ANKRD28: variants seen among roughly 807,000 people sequenced by gnomAD.
The protein encoded by ANKRD28 is serine/threonine-protein phosphatase 6 regulatory ankyrin repeat subunit A.
A neutral mutation model predicts 126.5 loss-of-function variants in ANKRD28; 44 were observed. The observed-to-expected ratio is 0.35, with a 90% CI of 0.27 to 0.45. The LOEUF is 0.45. Among genes scored for constraint, ANKRD28 ranks in the 20% least tolerant of loss-of-function variants. The pLI is 1.00. For synonymous variants in ANKRD28, 442 were observed against 468.5 expected, an observed-to-expected ratio of 0.94 and a Z score of 0.73; for missense variants, 1,110 against 1,316.6, an observed-to-expected ratio of 0.84 and a Z score of 2.43.
intron 4 of ANKRD28, among the ~76,000 whole-genome samples, chr3:15,746,046 G>A (rs1216645660): frequency 6.6e-6 from 1 of 152,146 alleles, no homozygotes; most frequent in Non-Finnish European, 1.5e-5. Flanking sequence ...ACTGATTTGT[G>A]TACATTAATT....
intron 1 of ANKRD28, among the ~76,000 whole-genome samples, chr3:15,832,729 T>C (rs957587603): frequency 9.9e-5 from 15 of 152,192 alleles, no homozygotes; most frequent in African/African-American, 3.6e-4. Flanking sequence ...TCCAAGTTAT[T>C]TCACGGAGGA....
chr3:15,853,764 C>T lies in ANKRD28; in HGVS notation c.27+5613G>A, dbSNP rs562257882. Among the ~76,000 whole-genome samples the T allele has an allele frequency of 5.3e-5, 8 of 152,190 alleles. No homozygotes were observed. In the East Asian group the frequency reaches 7.7e-4, roughly 15 times the overall value. ...GATTACAGGCATGAGCCACCGCGCC[C>T]GGCCCTAAAATCAATGTTTAATTGT... On this transcript the variant is annotated intron_variant, in intron 1 of 27. Coordinates refer to the ANKRD28 transcript ENST00000399451. This position sits in a 1 kb window ranked among gnomAD's most constrained non-coding sequence, Gnocchi z 4.2.
chr3:15,763,514 G>A (rs2058594259), intron 3 of ANKRD28, among the ~76,000 whole-genome samples: 2 of 152,184 alleles, frequency 1.3e-5, no homozygotes, highest in Admixed American at 1.3e-4. Context: ...AATTTAAAAA[G>A]GATGTCAGGT....
intron 2 of ANKRD28, among the ~76,000 whole-genome samples, chr3:15,772,845 C>G (rs572754514): frequency 1.3e-5 from 2 of 152,224 alleles, no homozygotes; most frequent in East Asian, 3.9e-4. Flanking sequence ...TACAACCACG[C>G]CCAGCTAGCT....
At chr3:15,851,821 A>G (rs1389704961) in intron 1 of ANKRD28, among the ~76,000 whole-genome samples, 1 of 152,354 alleles carries the variant, frequency 6.6e-6, no homozygotes. Flanking sequence ...GTCTACATAA[A>G]ATCTTGTACA....
chr3:15,695,975 T>C (rs1440511380), intron 15 of ANKRD28, among the ~76,000 whole-genome samples, 159 bp downstream of exon 15: 2 of 152,136 alleles, frequency 1.3e-5, no homozygotes, highest in African/African-American at 4.8e-5. Context: ...GAATGAGATA[T>C]ATCTTACTAA....
chr3:15,810,846 T>G (rs770729436), intron 1 of ANKRD28, among the ~76,000 whole-genome samples: 5 of 152,096 alleles, frequency 3.3e-5, no homozygotes, highest in Non-Finnish European at 7.4e-5. Context: ...GACCACAACT[T>G]GAACACTGCC....
chr3:15,670,134 C>T lies in ANKRD28; in HGVS notation c.*136G>A. 1 of 960,788 alleles carries T rather than the reference C, an allele frequency of 1.0e-6. No homozygotes were observed. Among genetic ancestry groups the T allele is most frequent in the Non-Finnish European group, 1.5e-6 (1 of 659,218 alleles). 59.5% of individuals were successfully genotyped at this position (960,788 alleles called of 1,614,324 possible). A position where few individuals can be genotyped will look rare whatever the true frequency, so the allele number is the denominator to read the frequency against. ...CCTTTAAAACTCTTCCTCCTAATGC[C>T]ATCAGATCTCTTAACATTGGCTCAC... On this transcript the variant is annotated 3_prime_UTR_variant, in exon 28 of 28. Transcript: ENST00000683139.
intron 1 of ANKRD28, among the ~76,000 whole-genome samples, chr3:15,827,252 A>C (rs1469439515): frequency 6.6e-6 from 1 of 152,216 alleles, no homozygotes; most frequent in African/African-American, 2.4e-5. Flanking sequence ...ATGATCCAGT[A>C]ATCCCACTAC....
At chr3:15,780,494 C>T (rs2059492443) in intron 2 of ANKRD28, among the ~76,000 whole-genome samples, 1 of 152,018 alleles carries the variant, frequency 6.6e-6, no homozygotes, top group Admixed American at 6.6e-5. Context: ...TCCATATTAT[C>T]CAAAGCAATC....
In ANKRD28 at chr3:15,669,607, A is replaced by C. The variant is rs1015575723; in HGVS notation, c.*663T>G. 1 of 152,164 alleles carries C rather than the reference A, an allele frequency of 6.6e-6. No homozygotes were observed. The highest frequency in any genetic ancestry group is 2.4e-5 in the African/African-American group (1 of 41,424). 9.4% of individuals were successfully genotyped at this position (152,164 alleles called of 1,614,324 possible). On this transcript the variant is annotated 3_prime_UTR_variant, in exon 28 of 28. Transcript: ENST00000683139. ...TTTGAAATAGTTCTGTAAAAGAAAA[A>C]AATGTAAAAATACATCTGCTTTCTC...
intron 24 of ANKRD28, among the ~76,000 whole-genome samples, chr3:15,677,969 A>C (rs1268534204): frequency 6.6e-6 from 1 of 152,106 alleles, no homozygotes; most frequent in African/African-American, 2.4e-5. Flanking sequence ...AGGCAATCCA[A>C]CTCCACAGCC....
At chr3:15,702,822 C>A (rs2070803819) in intron 14 of ANKRD28, among the ~76,000 whole-genome samples, 1 of 152,022 alleles carries the variant, frequency 6.6e-6, no homozygotes, top group Non-Finnish European at 1.5e-5. Flanking sequence ...TACCACCCCC[C>A]ACCACCCCAC....
At chr3:15,670,638 C>A (rs1575058242) in intron 27 of ANKRD28, 82 bp from the exon 28 acceptor site, 2 of 1,301,034 alleles carry the variant, frequency 1.5e-6, no homozygotes, top group East Asian at 5.0e-5. Context: ...TAAAGTACTT[C>A]AACTTTAGAC....
intron 14 of ANKRD28, among the ~76,000 whole-genome samples, chr3:15,706,514 A>G (rs2071439595): frequency 1.3e-5 from 2 of 152,114 alleles, no homozygotes; most frequent in African/African-American, 4.8e-5. Context: ...GGTGGTTCCA[A>G]GTCTTTGCTA....
At chr3:15,786,915 TTAATAATATATTTAATAACAGA>T (rs2059808718) in intron 2 of ANKRD28, among the ~76,000 whole-genome samples, 1 of 152,120 alleles carries the variant, frequency 6.6e-6, no homozygotes, top group Non-Finnish European at 1.5e-5. Flanking sequence ...GTCTATGAAG[TTAATAATATATTTAATAACAGA>T]TAATAAATAC....
At chr3:15,748,828 C>T (rs2057658081) in intron 4 of ANKRD28, among the ~76,000 whole-genome samples, 1 of 152,146 alleles carries the variant, frequency 6.6e-6, no homozygotes, top group Admixed American at 6.5e-5. Flanking sequence ...GGAACACCAA[C>T]TATTCTCAGC....
chr3:15,859,509 G>C, exon 1 of ANKRD28: 1 of 1,091,774 alleles, frequency 9.2e-7, no homozygotes, highest in Non-Finnish European at 1.3e-6. Context: ...CCGCTGCCCG[G>C]GACCAGCGGG....
At chr3:15,808,543 T>C (rs906222638) in intron 1 of ANKRD28, among the ~76,000 whole-genome samples, 11 of 152,338 alleles carry the variant, frequency 7.2e-5, no homozygotes, top group African/African-American at 2.6e-4. Flanking sequence ...TAAGTACTTC[T>C]TACATCTCAG....
Sources: allele counts gnomAD v4.1 joint callset (sites outside exome capture counted in the v4.1 genomes callset), GRCh38; gene constraint gnomAD v4.1.1; non-coding constraint Gnocchi (gnomAD v3.1); transcripts MANE v1.5; gene names NCBI Gene and HGNC (gene_info 2026-07-23, HGNC 2026-07-21).